Variants in NECTIN1 observed in about 807,000 individuals in gnomAD.
The protein encoded by NECTIN1 is nectin cell adhesion molecule 1, also known as nectin-1.
Under a neutral mutation model 48.0 loss-of-function variants are expected in NECTIN1, and 23 were observed. That is an observed-to-expected ratio of 0.48 (90% CI 0.34 to 0.68). The LOEUF is 0.68. Ranked by LOEUF, NECTIN1 falls within the 30% of genes least tolerant of loss-of-function variation. NECTIN1 has a pLI of 0.01. For synonymous variants in NECTIN1, 270 were observed against 288.9 expected (o/e 0.93, Z 0.66); for missense variants, 591 against 709.9 (o/e 0.83, Z 1.90).
rs578258124 is a variant in NECTIN1, at chr11:119,641,796, C to T, written c.1004-1784G>A. The T allele has an allele frequency of 5.4e-4, 82 of 151,914 alleles. 1 individual carries two copies. The highest frequency in any genetic ancestry group is 2.0e-3 in the African/African-American group (81 of 41,440). 9.4% of individuals were successfully genotyped at this position (151,914 alleles called of 1,614,324 possible). A position where few individuals can be genotyped will look rare whatever the true frequency, so the allele number is the denominator to read the frequency against. On this transcript the variant is annotated intron_variant, in intron 5 of 7. Transcript: ENST00000341398. ...GGAGTGCAGTGGCGCGATCTCGGCT[C>T]ACTGCAAGCTCTGCCTCCCGGGTTC... is the stretch of plus-strand genomic sequence containing the variant.
chr11:119,656,386 C>T (rs575655095), downstream of NECTIN1: 2 of 152,312 alleles, frequency 1.3e-5, no homozygotes, highest in East Asian at 3.9e-4. Flanking sequence ...GCAAAGATGA[C>T]ATGCAAATTT....
intron 5 of NECTIN1, among the ~76,000 whole-genome samples, chr11:119,655,166 C>T (rs910105430): frequency 3.3e-5 from 5 of 151,926 alleles, no homozygotes; most frequent in African/African-American, 1.2e-4. Flanking sequence ...CCACCTCGGC[C>T]TCCCAAAGTG....
At chr11:119,716,088 T>C (rs1865739084) in intron 1 of NECTIN1, among the ~76,000 whole-genome samples, 1 of 152,184 alleles carries the variant, frequency 6.6e-6, no homozygotes, top group Non-Finnish European at 1.5e-5. Flanking sequence ...AGTGAAACCC[T>C]TGCTTTCCTT....
chr11:119,674,799 G>A, intron 5 of NECTIN1: 3 of 1,316,390 alleles, frequency 2.3e-6, no homozygotes, highest in Non-Finnish European at 3.2e-6. Context: ...GAGGAGATGA[G>A]CTCCACCTGC....
Position 119,664,725 on chromosome 11 carries a change from G to A in NECTIN1, c.*22C>T. Reference sequence around the variant, plus strand: ...GAGGGGCTGGGGAGGAGCGGTCACAGACAGAGGCTCTGGAAGGGGGGCTAC... The same window carrying A: ...GAGGGGCTGGGGAGGAGCGGTCACAAACAGAGGCTCTGGAAGGGGGGCTAC... On this transcript the variant is annotated 3_prime_UTR_variant, in exon 6 of 6. Coordinates refer to ENST00000264025, the MANE Select transcript of NECTIN1 (RefSeq NM_002855.5). The A allele has an allele frequency of 6.3e-7, 1 of 1,591,652 alleles. No individual in the cohort carries two copies. The highest frequency in any genetic ancestry group is 8.6e-7 in the Non-Finnish European group (1 of 1,167,510).
chr11:119,721,768 C>T (rs187250814), intron 1 of NECTIN1, among the ~76,000 whole-genome samples: 165 of 152,354 alleles, frequency 1.1e-3, no homozygotes, highest in African/African-American at 3.8e-3. Context: ...GGGGCCCTGC[C>T]CATGTCTCAG....
intron 5 of NECTIN1, among the ~76,000 whole-genome samples, chr11:119,650,667 C>G (rs1457726796): frequency 1.3e-5 from 2 of 152,292 alleles, no homozygotes; most frequent in Middle Eastern, 3.4e-3. Context: ...GACACGGATT[C>G]TGGGGCCAGA....
At position 119,686,236 on chromosome 11, in the gene NECTIN1, T is replaced by G. The variant is rs915725082; in HGVS notation, c.80-7471A>C. Among the ~76,000 whole-genome samples, 6 of 152,190 alleles carry G rather than the reference T, an allele frequency of 3.9e-5. 1 individual carries two copies. Among genetic ancestry groups the G allele is most frequent in the Admixed American group, 2.6e-4 (4 of 15,282 alleles). On this transcript the variant is annotated intron_variant, in intron 1 of 5. Coordinates refer to ENST00000264025, the MANE Select transcript of NECTIN1 (RefSeq NM_002855.5). ...AACTTCCTAAGCCCTCTCTCACTAG[T>G]GCACACCTCCCTCCACCTCACCTCC...
intron 5 of NECTIN1, among the ~76,000 whole-genome samples, chr11:119,648,318 G>A (rs1224380334): frequency 4.3e-5 from 4 of 92,060 alleles, no homozygotes; most frequent in East Asian, 4.2e-4. Context: ...TGGTGGTGAT[G>A]GTGATGGTGG....
intron 1 of NECTIN1, among the ~76,000 whole-genome samples, chr11:119,686,956 G>A (rs533807440): frequency 4.6e-5 from 7 of 152,308 alleles, no homozygotes; most frequent in Admixed American, 3.3e-4. Context: ...AAAAGGCTGT[G>A]AGCAGCTGGG....
At chr11:119,648,453 G>T (rs1000766607) in intron 5 of NECTIN1, among the ~76,000 whole-genome samples, 37 of 121,938 alleles carry the variant, frequency 3.0e-4, no homozygotes, top group Non-Finnish European at 6.4e-4. Context: ...TGGGCCAGCT[G>T]CATGAAGATG....
At chr11:119,692,147 A>C (rs1455513376) in intron 1 of NECTIN1, among the ~76,000 whole-genome samples, 2 of 152,000 alleles carry the variant, frequency 1.3e-5, no homozygotes, top group Non-Finnish European at 2.9e-5. Flanking sequence ...ACACGAATCT[A>C]TCAGGAGCCT....
intron 7 of NECTIN1, chr11:119,638,355 C>A (rs1295362585): frequency 1.5e-6 from 2 of 1,369,806 alleles, no homozygotes; most frequent in East Asian, 2.4e-5. Context: ...CATGCACCCC[C>A]ATTCTGGCAT....
At position 119,709,346 on chromosome 11, in the gene NECTIN1, C is replaced by T. The variant is rs1865597615; in HGVS notation, c.79+19129G>A. On this transcript the variant is annotated intron_variant, in intron 1 of 5. Transcript: ENST00000264025. The surrounding 1 kb of genome is among the most constrained non-coding windows in gnomAD (Gnocchi z 4.1). ...AATCTGGGATCACCAGCTCCACATC[C>T]GGGCCCAGGGCGCCTCTGTCTGCCA... Among the ~76,000 whole-genome samples the T allele has an allele frequency of 6.6e-6, 1 of 152,130 alleles. No homozygotes were observed. The highest frequency in any genetic ancestry group is 1.9e-4 in the East Asian group (1 of 5,188).
Position 119,664,117 on chromosome 11 carries a change from C to T in NECTIN1, c.*630G>A, listed in dbSNP as rs1864719115. The stretch of plus-strand genomic sequence containing the variant: ...TGAGGAAAAAAAATGTAAAACCACC[C>T]TCAGCAGGAAAACACTGCCCAAGGC... On this transcript the variant is annotated 3_prime_UTR_variant, in exon 6 of 6. Transcript: ENST00000264025. The T allele has an allele frequency of 6.1e-6, 6 of 985,848 alleles. No individual in the cohort carries two copies. The Admixed American group carries it at 2.5e-4, about 40-fold the overall frequency. 61.1% of individuals were successfully genotyped at this position (985,848 alleles called of 1,614,324 possible).
Position 119,683,796 on chromosome 11 carries a change from A to G in NECTIN1, c.80-5031T>C, listed in dbSNP as rs543081976. On this transcript the variant is annotated intron_variant, in intron 1 of 5. Transcript: ENST00000264025. This position sits in a 1 kb window ranked among gnomAD's most constrained non-coding sequence, Gnocchi z 4.0. ...TGCCTATATTCTCCCTGACCACCCT[A>G]TGAGCTCCAGGATCTGGGACCCATG... Among the ~76,000 whole-genome samples the G allele has an allele frequency of 3.7e-4, 56 of 151,450 alleles. 1 individual carries two copies. The highest frequency in any genetic ancestry group is 1.3e-3 in the African/African-American group (55 of 41,196).
At chr11:119,701,868 C>T (rs536899525) in intron 1 of NECTIN1, among the ~76,000 whole-genome samples, 20 of 152,282 alleles carry the variant, frequency 1.3e-4, no homozygotes, top group East Asian at 9.7e-4. Context: ...CACTGGCTCC[C>T]GCCCCGTCCC....
intron 5 of NECTIN1, among the ~76,000 whole-genome samples, chr11:119,671,356 G>C (rs1864859362): frequency 6.6e-6 from 1 of 152,114 alleles, no homozygotes; most frequent in African/African-American, 2.4e-5. Flanking sequence ...TACAAAGGGA[G>C]CAGCTTGTCC....
chr11:119,711,748 G>A (rs893313281), intron 1 of NECTIN1, among the ~76,000 whole-genome samples: 5 of 152,222 alleles, frequency 3.3e-5, no homozygotes, highest in Admixed American at 6.5e-5. Flanking sequence ...AAATAGGTCC[G>A]TGTAAAGTTG....
Sources: allele counts gnomAD v4.1 joint callset (sites outside exome capture counted in the v4.1 genomes callset), GRCh38; gene constraint gnomAD v4.1.1; non-coding constraint Gnocchi (gnomAD v3.1); transcripts MANE v1.5; gene names NCBI Gene and HGNC (gene_info 2026-07-23, HGNC 2026-07-21).